The following DMD variants were observed in gnomAD, a reference collection of about 807,000 sequenced individuals.
DMD encodes mutant dystrophin.
Under a neutral mutation model 330.1 loss-of-function variants are expected in DMD, and 63 were observed. The observed-to-expected ratio is 0.19, with a 90% CI of 0.16 to 0.24. The LOEUF (loss-of-function observed/expected upper bound fraction) is 0.24, where lower values mean the gene tolerates loss of function less well. Among genes scored for constraint, DMD ranks in the 10% least tolerant of loss-of-function variants. The pLI, the probability that DMD is intolerant of heterozygous loss-of-function variation, is 1.00. For synonymous variants in DMD, 1,223 were observed against 959.8 expected (o/e 1.27, Z -5.07); for missense variants, 3,344 against 2,684.1 (o/e 1.25, Z -5.43).
At chrX:32,779,300 T>G (rs1224724949) in intron 7 of DMD, among the ~76,000 whole-genome samples, 2 of 109,855 alleles carry the variant, frequency 1.8e-5, no homozygotes, top group African/African-American at 3.3e-5. Flanking sequence ...ATAACAATGT[T>G]GCTCGGACAC....
At chrX:31,653,051 A>G (rs916304796) in intron 54 of DMD, among the ~76,000 whole-genome samples, 1 of 111,686 alleles carries the variant, frequency 9.0e-6, no homozygotes, top group Non-Finnish European at 1.9e-5. Context: ...ATGTTGGAGA[A>G]TGTAAAAGAG....
chrX:31,823,601 G>C (rs866039258), intron 49 of DMD, among the ~76,000 whole-genome samples: 1 of 110,468 alleles, frequency 9.1e-6, no homozygotes, highest in African/African-American at 3.3e-5. Context: ...TTTCTTTTGA[G>C]ACAGGGTCTC....
intron 51 of DMD, among the ~76,000 whole-genome samples, chrX:31,760,438 T>C (rs1056198019): frequency 1.8e-5 from 2 of 112,035 alleles, no homozygotes; most frequent in African/African-American, 6.5e-5. Context: ...TATAAGATTA[T>C]AATATTTTTC....
chrX:32,557,817 T>C (rs979589611), intron 16 of DMD, among the ~76,000 whole-genome samples: 3 of 111,236 alleles, frequency 2.7e-5, no homozygotes, highest in Non-Finnish European at 5.7e-5. Flanking sequence ...TGCTTTATCT[T>C]ATGAAGTATA....
At position 32,417,194 on chromosome X, in the gene DMD, C is replaced by A. The variant is rs1050309152; in HGVS notation, c.4072-5281G>T. ...ATTCTAAGAGATGGAAATAGCAGGG[C>A]ATAGCAAAGGGCTTACAAAAGAGCT... On this transcript the variant is annotated intron_variant, in intron 29 of 78. Transcript: ENST00000357033. Among the ~76,000 whole-genome samples, 6 of 111,482 alleles carry A rather than the reference C, an allele frequency of 5.4e-5. No homozygotes were observed. The East Asian group carries it at 8.5e-4, about 16-fold the overall frequency.
intron 2 of DMD, among the ~76,000 whole-genome samples, chrX:32,875,377 A>G (rs1381961974): frequency 8.9e-6 from 1 of 111,966 alleles, no homozygotes; most frequent in African/African-American, 3.3e-5. Context: ...CTACACTGCT[A>G]TAACCTTAGG....
chrX:31,940,610 G>C (rs1312998285), intron 45 of DMD, among the ~76,000 whole-genome samples: 2 of 110,812 alleles, frequency 1.8e-5, no homozygotes, highest in Non-Finnish European at 3.8e-5. Flanking sequence ...AAATCTACTT[G>C]TTGACCAGAA....
intron 52 of DMD, among the ~76,000 whole-genome samples, chrX:31,691,802 C>A: frequency 8.9e-6 from 1 of 111,968 alleles, no homozygotes; most frequent in East Asian, 2.8e-4. Flanking sequence ...ATTAAGGGAT[C>A]TGAAGGGAAA....
At chrX:32,415,958 A>T (rs776582922) in intron 29 of DMD, among the ~76,000 whole-genome samples, 2 of 112,080 alleles carry the variant, frequency 1.8e-5, no homozygotes, top group Non-Finnish European at 3.8e-5. Context: ...TTTTGCTGGC[A>T]ATGTAAAGTC....
chrX:32,003,718 T>C (rs747727018), intron 44 of DMD, among the ~76,000 whole-genome samples: 3 of 111,610 alleles, frequency 2.7e-5, no homozygotes, highest in Non-Finnish European at 5.7e-5. Context: ...TTCTCATTAT[T>C]TTCATTTCTT....
chrX:32,829,496 C>G (rs1603443151), intron 4 of DMD, among the ~76,000 whole-genome samples: 1 of 111,353 alleles, frequency 9.0e-6, no homozygotes, highest in East Asian at 2.8e-4. Context: ...AGTTTTTATT[C>G]TAAGTTTTCT....
At chrX:31,908,754 G>A (rs6527130) in intron 47 of DMD, among the ~76,000 whole-genome samples, 32,309 of 109,375 alleles carry the variant, frequency 0.3, 6,221 homozygotes, top group African/African-American at 0.7. Context: ...AAGATGTAGG[G>A]AATTAAGCTT....
chrX:31,990,038 T>C (rs923774195), intron 44 of DMD, among the ~76,000 whole-genome samples: 1 of 111,900 alleles, frequency 8.9e-6, no homozygotes, highest in Admixed American at 9.5e-5. Context: ...TAGAAAAAAC[T>C]GTACAAAGGG....
At chrX:31,439,635 A>C (rs4829222) in intron 60 of DMD, among the ~76,000 whole-genome samples, 50,100 of 111,183 alleles carry the variant, frequency 0.45, 10,167 homozygotes, top group Non-Finnish European at 0.63. Flanking sequence ...CAATAAAACA[A>C]ATACTCCTTA....
intron 16 of DMD, 67 bp downstream of exon 16, chrX:32,565,635 C>T (rs2051610730): frequency 9.3e-7 from 1 of 1,077,216 alleles, no homozygotes; most frequent in South Asian, 1.9e-5. Context: ...GTTATAATGT[C>T]ACTCTCTTAA....
At chrX:32,331,510 G>C (rs781454805) in intron 41 of DMD, among the ~76,000 whole-genome samples, 1 of 111,267 alleles carries the variant, frequency 9.0e-6, no homozygotes, top group South Asian at 3.7e-4. Flanking sequence ...AGATTTTGCA[G>C]TCAATATTTC....
intron 18 of DMD, among the ~76,000 whole-genome samples, chrX:32,509,208 A>G (rs1353141332): frequency 1.0e-5 from 1 of 99,650 alleles, no homozygotes; most frequent in Non-Finnish European, 2.0e-5. Context: ...AAAAAAAAAA[A>G]GGTTAAGTAA....
intron 2 of DMD, among the ~76,000 whole-genome samples, chrX:32,968,890 G>A (rs1161475351): frequency 9.4e-6 from 1 of 105,982 alleles, no homozygotes; most frequent in South Asian, 4.4e-4. Context: ...TTAGCCAGGC[G>A]TGGTGGTGGG....
At chrX:32,739,089 A>T (rs2068896575) in intron 7 of DMD, among the ~76,000 whole-genome samples, 1 of 112,232 alleles carries the variant, frequency 8.9e-6, no homozygotes. Flanking sequence ...CAACTAATTC[A>T]TTTAATTCTT....
Sources: allele counts gnomAD v4.1 joint callset (sites outside exome capture counted in the v4.1 genomes callset), GRCh38; gene constraint gnomAD v4.1.1; transcripts MANE v1.5; gene names NCBI Gene and HGNC (gene_info 2026-07-23, HGNC 2026-07-21).